The following PTPRD variants were observed in gnomAD, a reference collection of about 807,000 sequenced individuals.
PTPRD encodes protein tyrosine phosphatase receptor type D.
In PTPRD, 34 loss-of-function variants were observed where a neutral mutation model predicts 214.5. The observed-to-expected ratio is 0.16, with a 90% CI of 0.12 to 0.21. The LOEUF is 0.21. PTPRD is among the 10% of genes least tolerant of loss of function. The probability of loss-of-function intolerance (pLI) is 1.00; values close to 1 mark genes in which losing one functional copy is unlikely to be tolerated. For missense variants in PTPRD, 2,545 were observed against 2,398.7 expected, an observed-to-expected ratio of 1.06 and a Z score of -1.27; for synonymous variants, 1,128 against 845.7, an observed-to-expected ratio of 1.33 and a Z score of -5.79.
chr9:8,563,415 C>T (rs915535948), intron 14 of PTPRD, among the ~76,000 whole-genome samples: 2 of 150,138 alleles, frequency 1.3e-5, no homozygotes, highest in Non-Finnish European at 3.0e-5. Context: ...TGGTCTCCTA[C>T]TTACAAAGTT....
At chr9:9,633,968 T>C (rs1287645744) in intron 7 of PTPRD, among the ~76,000 whole-genome samples, 1 of 152,198 alleles carries the variant, frequency 6.6e-6, no homozygotes, top group Non-Finnish European at 1.5e-5. Context: ...TTTATGATAC[T>C]GCTGTCAAGG....
At chr9:9,270,812 A>G (rs1942566021) in intron 9 of PTPRD, among the ~76,000 whole-genome samples, 1 of 151,378 alleles carries the variant, frequency 6.6e-6, no homozygotes, top group African/African-American at 2.4e-5. Flanking sequence ...AAAGGTGGAG[A>G]AAAGTTAACA....
rs1445645899 is a variant in PTPRD at position 8,524,908 on chromosome 9, G to A, written c.679+17C>T. 5 of 1,601,674 alleles carry A rather than the reference G, an allele frequency of 3.1e-6. No individual in the cohort carries two copies. The African/African-American group carries it at 4.0e-5, about 13-fold the overall frequency. On this transcript the variant is annotated intron_variant, in intron 18 of 45. Transcript: ENST00000381196. Reference sequence around the variant, plus strand: ...AGCCTGAATGAAGAAGCGATGCCAGGGTTATGTCATTCCTACCTCTGACAT... The same window carrying A: ...AGCCTGAATGAAGAAGCGATGCCAGAGTTATGTCATTCCTACCTCTGACAT...
At chr9:8,844,699 G>T (rs1405348790) in intron 11 of PTPRD, among the ~76,000 whole-genome samples, 1 of 152,114 alleles carries the variant, frequency 6.6e-6, no homozygotes, top group Non-Finnish European at 1.5e-5. Context: ...CAAAAAGATG[G>T]TCCAATAATA....
At chr9:10,142,404 C>A (rs1434681690) in intron 3 of PTPRD, among the ~76,000 whole-genome samples, 3 of 151,346 alleles carry the variant, frequency 2.0e-5, no homozygotes, top group African/African-American at 7.3e-5. Flanking sequence ...CCAGAATCTA[C>A]AATGAACTCA....
At chr9:10,224,001 A>C (rs1164001338) in intron 3 of PTPRD, among the ~76,000 whole-genome samples, 1 of 151,808 alleles carries the variant, frequency 6.6e-6, no homozygotes, top group African/African-American at 2.4e-5. Context: ...GATTACGTTG[A>C]TTTGAAAATT....
At chr9:10,417,537 A>G (rs1455420931) in intron 2 of PTPRD, among the ~76,000 whole-genome samples, 1 of 151,886 alleles carries the variant, frequency 6.6e-6, no homozygotes, top group Non-Finnish European at 1.5e-5. Context: ...ATTTTAGCTT[A>G]AAAGAAACTA....
intron 11 of PTPRD, among the ~76,000 whole-genome samples, chr9:8,954,911 A>T (rs1229777060): frequency 2.0e-5 from 3 of 151,970 alleles, no homozygotes; most frequent in African/African-American, 7.2e-5. Flanking sequence ...AAAGTTGGTT[A>T]TCACTACAGA....
chr9:8,447,269 T>C (rs2095767981), intron 34 of PTPRD, among the ~76,000 whole-genome samples: 1 of 152,192 alleles, frequency 6.6e-6, no homozygotes, highest in Non-Finnish European at 1.5e-5. Context: ...GTCTACTTTA[T>C]TCCCTTATTC....
At chr9:10,147,606 A>C (rs764954850) in intron 3 of PTPRD, among the ~76,000 whole-genome samples, 1 of 152,158 alleles carries the variant, frequency 6.6e-6, no homozygotes, top group Non-Finnish European at 1.5e-5. Flanking sequence ...CTGGCTGGGC[A>C]CAGCGGCTCA....
intron 3 of PTPRD, among the ~76,000 whole-genome samples, chr9:10,152,564 G>A (rs866983936): frequency 3.3e-5 from 5 of 152,102 alleles, no homozygotes; most frequent in South Asian, 2.1e-4. Flanking sequence ...GGTGGCTCAC[G>A]CTTGTAATCC....
rs116906203 is a variant in PTPRD at position 9,403,465 on chromosome 9, G to A, written c.-236-5983C>T. On this transcript the variant is annotated intron_variant, in intron 8 of 45. Transcript: ENST00000381196. ...AAGCAAATCATATCCGAAGTAAGAT[G>A]CACTCCTTAGATTTTGAAAGCACTG... is the stretch of plus-strand genomic sequence containing the variant. Among the ~76,000 whole-genome samples, 1,222 of 148,882 alleles carry A rather than the reference G, an allele frequency of 8.2e-3. 5 individuals are homozygous for A. Among genetic ancestry groups the A allele is most frequent in the Admixed American group, 0.016 (236 of 14,830 alleles).
chr9:9,662,023 G>T (rs944638575), intron 7 of PTPRD, among the ~76,000 whole-genome samples: 4 of 151,636 alleles, frequency 2.6e-5, no homozygotes, highest in African/African-American at 9.7e-5. Flanking sequence ...TGATATATAT[G>T]ATTCCTGATA....
Position 9,374,435 on chromosome 9 carries a change from T to C in PTPRD, c.-203+23014A>G, listed in dbSNP as rs189625358. 3.1e-3 allele frequency among the ~76,000 whole-genome samples: 473 copies of C among 152,100 alleles called. 2 individuals are homozygous for C. The highest frequency in any genetic ancestry group is 4.5e-3 in the Non-Finnish European group (309 of 67,986). On this transcript the variant is annotated intron_variant, in intron 9 of 45. Coordinates refer to ENST00000381196, the MANE Select transcript of PTPRD (RefSeq NM_002839.4). ...AGATAATTACTTATTTCTGGGAAAA[T>C]TGAAAGGAGCAACATTTGAGAAAAT...
intron 11 of PTPRD, among the ~76,000 whole-genome samples, chr9:9,013,260 C>T (rs1346920055): frequency 6.6e-6 from 1 of 151,966 alleles, no homozygotes; most frequent in Non-Finnish European, 1.5e-5. Context: ...TACGAGGCCA[C>T]CGACACTAGA....
intron 6 of PTPRD, among the ~76,000 whole-genome samples, chr9:9,753,395 T>C (rs775398458): frequency 3.3e-5 from 5 of 152,022 alleles, no homozygotes; most frequent in Non-Finnish European, 7.4e-5. Flanking sequence ...TAAGTGTCTG[T>C]CAGTGTTTCC....
At chr9:8,673,724 T>G (rs2097336930) in intron 12 of PTPRD, among the ~76,000 whole-genome samples, 1 of 152,238 alleles carries the variant, frequency 6.6e-6, no homozygotes, top group Non-Finnish European at 1.5e-5. Context: ...ATTTTTTAAT[T>G]TAGCTGCTAA....
chr9:9,032,483 T>A (rs2099608703), intron 10 of PTPRD, among the ~76,000 whole-genome samples: 1 of 151,794 alleles, frequency 6.6e-6, no homozygotes, highest in Non-Finnish European at 1.5e-5. Flanking sequence ...GGAGCAAAAA[T>A]AATTATGAGG....
chr9:10,212,095 C>G (rs932910920), intron 3 of PTPRD, among the ~76,000 whole-genome samples: 1 of 152,034 alleles, frequency 6.6e-6, no homozygotes, highest in East Asian at 1.9e-4. Context: ...TTCTATCTAG[C>G]AGACATTGTT....
Sources: gnomAD v4.1 joint callset for allele counts (sites outside exome capture counted in the v4.1 genomes callset) on GRCh38, gnomAD v4.1.1 for gene constraint, MANE v1.5 for transcripts, NCBI Gene and HGNC (gene_info 2026-07-23, HGNC 2026-07-21) for gene names.